The following UBE2E2 variants were observed in gnomAD, a reference collection of about 807,000 sequenced individuals.
UBE2E2 encodes the protein ubiquitin conjugating enzyme E2 E2, also known as ubiquitin-conjugating enzyme E2 E2.
Under a neutral mutation model 24.7 loss-of-function variants are expected in UBE2E2, and 6 were observed. The ratio of observed to expected loss-of-function variants is 0.24; its 90% CI spans 0.13 to 0.48. The LOEUF (loss-of-function observed/expected upper bound fraction) is 0.48. Among genes scored for constraint, UBE2E2 ranks in the 20% least tolerant of loss-of-function variants. UBE2E2 has a pLI of 0.99. For synonymous variants in UBE2E2, 104 were observed against 83.6 expected, an observed-to-expected ratio of 1.24 and a Z score of -1.33; for missense variants, 169 against 245.0, an observed-to-expected ratio of 0.69 and a Z score of 2.07.
chr3:23,236,504 T>G (rs928781018), intron 3 of UBE2E2, among the ~76,000 whole-genome samples: 2 of 150,044 alleles, frequency 1.3e-5, no homozygotes, highest in Non-Finnish European at 3.0e-5. Flanking sequence ...TTTTTTGGCC[T>G]GTGGACTGAA....
chr3:23,372,619 A>C (rs1479414209), intron 3 of UBE2E2, among the ~76,000 whole-genome samples: 1 of 152,246 alleles, frequency 6.6e-6, no homozygotes, highest in Non-Finnish European at 1.5e-5. Flanking sequence ...ACTGTAGTAC[A>C]GATAAGCATA....
intron 3 of UBE2E2, among the ~76,000 whole-genome samples, chr3:23,478,759 G>A (rs888445664): frequency 6.6e-6 from 1 of 152,076 alleles, no homozygotes; most frequent in South Asian, 2.1e-4. Flanking sequence ...AAAATTAAGA[G>A]GTGAGTCATG....
intron 5 of UBE2E2, among the ~76,000 whole-genome samples, chr3:23,537,180 C>T (rs1695286159): frequency 6.6e-6 from 1 of 152,140 alleles, no homozygotes; most frequent in African/African-American, 2.4e-5. Flanking sequence ...ATTTCATTCC[C>T]CTGTCGTCTG....
At chr3:23,358,880 C>G (rs189790552) in intron 3 of UBE2E2, among the ~76,000 whole-genome samples, 229 of 152,196 alleles carry the variant, frequency 1.5e-3, no homozygotes, top group African/African-American at 5.2e-3. Context: ...TCCTTTGGTC[C>G]TATTATTACC....
intron 3 of UBE2E2, among the ~76,000 whole-genome samples, chr3:23,493,949 A>G (rs1280723776): frequency 6.6e-6 from 1 of 152,212 alleles, no homozygotes; most frequent in East Asian, 1.9e-4. Flanking sequence ...GTACAGTTCT[A>G]CTAAAAATTT....
At chr3:23,361,352 A>C (rs1191521174) in intron 3 of UBE2E2, among the ~76,000 whole-genome samples, 2 of 151,724 alleles carry the variant, frequency 1.3e-5, no homozygotes, top group African/African-American at 4.8e-5. Context: ...AAAATAAGTC[A>C]TTATGTGAAA....
intron 3 of UBE2E2, among the ~76,000 whole-genome samples, chr3:23,356,535 A>AT (rs1695957508): frequency 6.6e-6 from 1 of 152,096 alleles, no homozygotes; most frequent in Admixed American, 6.6e-5. Context: ...TCCCGAATTT[A>AT]TTTTTGTTAA....
chr3:23,355,590 A>C (rs1481150007), intron 3 of UBE2E2, among the ~76,000 whole-genome samples: 1 of 152,216 alleles, frequency 6.6e-6, no homozygotes, highest in Admixed American at 6.5e-5. Context: ...TGTAACTAGA[A>C]ACAAGTTTAG....
intron 5 of UBE2E2, among the ~76,000 whole-genome samples, chr3:23,585,948 T>C (rs1366855997): frequency 6.6e-6 from 1 of 152,072 alleles, no homozygotes; most frequent in East Asian, 1.9e-4. Flanking sequence ...ATTCATGACT[T>C]TTATTTACCA....
intron 5 of UBE2E2, among the ~76,000 whole-genome samples, chr3:23,541,711 T>G (rs116732520): frequency 6.6e-6 from 1 of 152,328 alleles, no homozygotes; most frequent in East Asian, 1.9e-4. Flanking sequence ...CCGCCCCAAT[T>G]CAGCACTGTC....
chr3:23,296,598 G>A (rs1466576885), intron 3 of UBE2E2, among the ~76,000 whole-genome samples: 2 of 152,050 alleles, frequency 1.3e-5, no homozygotes, highest in Non-Finnish European at 2.9e-5. Context: ...TGAGAATTAC[G>A]GTTTCCAGCT....
At chr3:23,526,810 ACAT>A (rs1695009601) in intron 4 of UBE2E2, among the ~76,000 whole-genome samples, 1 of 152,302 alleles carries the variant, frequency 6.6e-6, no homozygotes, top group South Asian at 2.1e-4. Context: ...AAGTTGACAA[ACAT>A]CATCATCAAA....
chr3:23,579,887 C>G (rs533600338), intron 5 of UBE2E2, among the ~76,000 whole-genome samples: 1 of 152,196 alleles, frequency 6.6e-6, no homozygotes, highest in African/African-American at 2.4e-5. Context: ...GAGTTTTGAA[C>G]AAGTTGATTC....
chr3:23,445,597 T>A (rs960286147), intron 3 of UBE2E2, among the ~76,000 whole-genome samples: 4 of 152,218 alleles, frequency 2.6e-5, no homozygotes, highest in Non-Finnish European at 5.9e-5. Context: ...AGTTCATATT[T>A]GGCTAGATCG....
intron 3 of UBE2E2, among the ~76,000 whole-genome samples, chr3:23,493,571 G>A (rs1699543256): frequency 1.3e-5 from 2 of 152,092 alleles, no homozygotes; most frequent in South Asian, 4.2e-4. Flanking sequence ...AACAGTAAGG[G>A]AATTGATCAT....
At chr3:23,531,843 CT>C (rs541327419) in intron 4 of UBE2E2, among the ~76,000 whole-genome samples, 361 of 152,178 alleles carry the variant, frequency 2.4e-3, no homozygotes, top group Non-Finnish European at 4.1e-3. Flanking sequence ...AGGCGGATGA[CT>C]TGAGGTCAGG....
At chr3:23,259,882 G>A (rs13067514) in intron 3 of UBE2E2, among the ~76,000 whole-genome samples, 1 of 152,056 alleles carries the variant, frequency 6.6e-6, no homozygotes. Flanking sequence ...TAAGAGGTGT[G>A]GATGGAAACA....
At chr3:23,348,828 A>AC (rs5847229) in intron 3 of UBE2E2, among the ~76,000 whole-genome samples, 82,886 of 151,928 alleles carry the variant, frequency 0.55, 22,837 homozygotes, top group Admixed American at 0.66. Context: ...AAACCCACAG[A>AC]CTTTTGGAAA....
intron 4 of UBE2E2, among the ~76,000 whole-genome samples, chr3:23,507,780 G>A (rs932633541): frequency 1.3e-5 from 2 of 152,146 alleles, no homozygotes; most frequent in Admixed American, 1.3e-4. Context: ...ATTTTTGAGG[G>A]GAGAGGAAAG....
Sources: gnomAD v4.1 joint callset for allele counts (sites outside exome capture counted in the v4.1 genomes callset) on GRCh38, gnomAD v4.1.1 for gene constraint, MANE v1.5 for transcripts, NCBI Gene and HGNC (gene_info 2026-07-23, HGNC 2026-07-21) for gene names.